Variants in CADM2 observed in about 807,000 individuals in gnomAD.
CADM2 encodes the protein immunoglobulin superfamily member 4D.
CADM2 carries 12 observed loss-of-function variants against 49.8 expected under a neutral mutation model. That is an observed-to-expected ratio of 0.24 (90% confidence interval 0.15 to 0.39). The LOEUF is 0.39. Ranked by LOEUF, CADM2 falls within the 10% of genes least tolerant of loss-of-function variation. The pLI, the probability that CADM2 is intolerant of heterozygous loss-of-function variation, is 1.00. For synonymous variants in CADM2, 214 were observed against 175.4 expected (o/e 1.22, Z -1.74); for missense variants, 378 against 492.3 (o/e 0.77, Z 2.20).
rs115982688 is a variant in CADM2, at chr3:85,452,229, A to G, written c.62-274293A>G. ...GATTACAAATCCCAACTCTTGAGGCATTTCGGATTCTTTGCCCAAATTGTC... is the reference window on the plus strand; with the variant it reads ...GATTACAAATCCCAACTCTTGAGGCGTTTCGGATTCTTTGCCCAAATTGTC... On this transcript the variant is annotated intron_variant, in intron 1 of 9. Coordinates refer to ENST00000383699, the MANE Select transcript of CADM2 (RefSeq NM_001167675.2). 7.3e-3 allele frequency among the ~76,000 whole-genome samples: 1,110 copies of G among 152,226 alleles called. 14 individuals are homozygous for G. Among genetic ancestry groups the G allele is most frequent in the African/African-American group, 0.024 (995 of 41,538 alleles).
intron 1 of CADM2, among the ~76,000 whole-genome samples, chr3:85,254,770 G>A (rs572575463): frequency 6.6e-6 from 1 of 152,176 alleles, no homozygotes; most frequent in Non-Finnish European, 1.5e-5. Flanking sequence ...AAGGTTGGGG[G>A]TGAGTGGAAA....
chr3:86,045,213 A>T lies in CADM2; in HGVS notation c.971-20392A>T, dbSNP rs184806980. Among the ~76,000 whole-genome samples, 58 of 152,182 alleles carry T rather than the reference A, an allele frequency of 3.8e-4. 1 individual carries two copies. The East Asian group carries it at 7.1e-3, about 19-fold the overall frequency. Reference sequence around the variant, plus strand: ...CCTAAAACTTAACGTATAATAATAAAAAAAAAAGATAGTGTAAGCAAATAT... The same window carrying T: ...CCTAAAACTTAACGTATAATAATAATAAAAAAAGATAGTGTAAGCAAATAT... On this transcript the variant is annotated intron_variant, in intron 8 of 9. Transcript: ENST00000383699.
intron 1 of CADM2, among the ~76,000 whole-genome samples, chr3:85,297,835 C>CT (rs1447498153): frequency 6.6e-6 from 1 of 152,044 alleles, no homozygotes; most frequent in Non-Finnish European, 1.5e-5. Context: ...GGAATATAAC[C>CT]TTGTCAAGGG....
chr3:85,674,846 ACC>A (rs1345093308), intron 1 of CADM2, among the ~76,000 whole-genome samples: 1 of 152,118 alleles, frequency 6.6e-6, no homozygotes, highest in African/African-American at 2.4e-5. Context: ...AGAATTTATG[ACC>A]ATCATAAGAG....
Position 85,347,293 on chromosome 3 carries a change from G to T in CADM2, c.62-379229G>T, listed in dbSNP as rs2030783456. Reference sequence around the variant, plus strand: ...TTATACTTAATAGCAATGATCAAAAGGCTGGAGGCATACTCTTTGTTTAAA... The same window carrying T: ...TTATACTTAATAGCAATGATCAAAATGCTGGAGGCATACTCTTTGTTTAAA... On this transcript the variant is annotated intron_variant, in intron 1 of 9. Transcript: ENST00000383699. 2.2e-5 allele frequency among the ~76,000 whole-genome samples: 3 copies of T among 139,074 alleles called. No individual in the cohort carries two copies. In the Admixed American group the frequency reaches 2.2e-4, roughly 10 times the overall value. 91.2% of individuals were successfully genotyped at this position (139,074 alleles called of 152,430 possible).
rs964920567 is a variant in CADM2, at chr3:85,126,851, G to A, written c.61+167183G>A. On this transcript the variant is annotated intron_variant, in intron 1 of 9. Coordinates refer to ENST00000383699, the MANE Select transcript of CADM2 (RefSeq NM_001167675.2). ...TTTTAGGTGGGAGAATCATATTGCTGTGAGTTATTCTGCTAATTTCTTTTT... is the reference window on the plus strand; with the variant it reads ...TTTTAGGTGGGAGAATCATATTGCTATGAGTTATTCTGCTAATTTCTTTTT... Among the ~76,000 whole-genome samples the A allele has an allele frequency of 3.9e-5, 6 of 152,034 alleles. No homozygotes were observed. The South Asian group carries it at 1.0e-3, about 26-fold the overall frequency.
At chr3:85,316,239 CT>C (rs2044461517) in intron 1 of CADM2, among the ~76,000 whole-genome samples, 1 of 152,138 alleles carries the variant, frequency 6.6e-6, no homozygotes, top group Non-Finnish European at 1.5e-5. Flanking sequence ...CAAATTTTCT[CT>C]GTTGACCATC....
At chr3:85,064,408 T>C (rs1379662693) in intron 1 of CADM2, among the ~76,000 whole-genome samples, 1 of 152,170 alleles carries the variant, frequency 6.6e-6, no homozygotes, top group Admixed American at 6.5e-5. Flanking sequence ...TCCCTTTTTG[T>C]GATCTTCTAT....
At chr3:85,167,752 A>G (rs562234639) in intron 1 of CADM2, among the ~76,000 whole-genome samples, 2 of 152,300 alleles carry the variant, frequency 1.3e-5, no homozygotes, top group African/African-American at 4.8e-5. Context: ...CTTCCTTATC[A>G]TATAAGTAGC....
At chr3:85,539,432 T>A (rs2061493103) in intron 1 of CADM2, among the ~76,000 whole-genome samples, 1 of 152,112 alleles carries the variant, frequency 6.6e-6, no homozygotes, top group Non-Finnish European at 1.5e-5. Context: ...TCTTTTAACT[T>A]CTCCAATGCT....
chr3:84,986,238 GGCATTTGTGACTCGACTT>G (rs1383216805), intron 1 of CADM2, among the ~76,000 whole-genome samples: 7 of 152,088 alleles, frequency 4.6e-5, no homozygotes, highest in African/African-American at 1.7e-4. Flanking sequence ...AATTTGTTCA[GGCATTTGTGACTCGACTT>G]GCTGAATACT....
At chr3:85,628,224 G>T (rs920955676) in intron 1 of CADM2, among the ~76,000 whole-genome samples, 1 of 151,978 alleles carries the variant, frequency 6.6e-6, no homozygotes, top group Non-Finnish European at 1.5e-5. Context: ...TTTGCAGAAG[G>T]TGCCTCTGCT....
chr3:85,511,964 G>C, intron 1 of CADM2: 1 of 766,138 alleles, frequency 1.3e-6, no homozygotes, highest in South Asian at 5.9e-5. Context: ...TATATATGTG[G>C]TTTTGAAAAA....
At chr3:85,336,672 T>C (rs564831870) in intron 1 of CADM2, among the ~76,000 whole-genome samples, 2 of 150,820 alleles carry the variant, frequency 1.3e-5, no homozygotes, top group Non-Finnish European at 3.0e-5. Flanking sequence ...GTAAATATTA[T>C]GAGAAGGCAG....
chr3:85,352,082 G>T (rs886315083), intron 1 of CADM2, among the ~76,000 whole-genome samples: 4 of 152,182 alleles, frequency 2.6e-5, no homozygotes, highest in Middle Eastern at 6.8e-3. Flanking sequence ...AGAAGATTAT[G>T]ACAATTTATC....
intron 1 of CADM2, among the ~76,000 whole-genome samples, chr3:85,305,961 A>G (rs762986744): frequency 2.0e-5 from 3 of 151,684 alleles, no homozygotes; most frequent in African/African-American, 4.8e-5. Flanking sequence ...AGCATCACAG[A>G]AGCTCTTGCC....
At chr3:85,199,370 T>TGTGTGTGAGAGAGAGAGAGAGAGA (rs1553694531) in intron 1 of CADM2, among the ~76,000 whole-genome samples, 1 of 140,106 alleles carries the variant, frequency 7.1e-6, no homozygotes, top group African/African-American at 2.8e-5. Context: ...TGTGTGTGTA[T>TGTGTGTGAGAGAGAGAGAGAGAGA]GAGAGAGAGA....
chr3:85,212,715 A>T (rs1005825376), intron 1 of CADM2, among the ~76,000 whole-genome samples: 1 of 151,970 alleles, frequency 6.6e-6, no homozygotes, highest in Non-Finnish European at 1.5e-5. Context: ...CACTCAAGAT[A>T]TGAGTGGTTT....
At chr3:86,008,809 T>C (rs1306389334) in intron 8 of CADM2, among the ~76,000 whole-genome samples, 1 of 151,980 alleles carries the variant, frequency 6.6e-6, no homozygotes, top group African/African-American at 2.4e-5. Flanking sequence ...AATATGCTTT[T>C]AAAATGCTAT....
Sources: allele counts gnomAD v4.1 joint callset (sites outside exome capture counted in the v4.1 genomes callset), GRCh38; gene constraint gnomAD v4.1.1; transcripts MANE v1.5; gene names NCBI Gene and HGNC (gene_info 2026-07-23, HGNC 2026-07-21).